AP4B1: variants seen among roughly 807,000 people sequenced by gnomAD.
The protein encoded by AP4B1 is adaptor related protein complex 4 subunit beta 1, also known as AP-4 complex subunit beta-1.
In AP4B1, 49 loss-of-function variants were observed where a neutral mutation model predicts 76.5. The ratio of observed to expected loss-of-function variants is 0.64; its 90% CI spans 0.51 to 0.81. AP4B1 has a LOEUF of 0.81. AP4B1 is among the 40% of genes least tolerant of loss of function. The probability of loss-of-function intolerance (pLI) is 0.00; values close to 1 mark genes in which losing one functional copy is unlikely to be tolerated. For missense variants in AP4B1, 911 were observed against 904.9 expected, an observed-to-expected ratio of 1.01 and a Z score of -0.09; for synonymous variants, 330 against 333.3, an observed-to-expected ratio of 0.99 and a Z score of 0.11.
chr1:113,898,575 G>A, intron 6 of AP4B1, 143 bp downstream of exon 6: 1 of 757,630 alleles, frequency 1.3e-6, no homozygotes, highest in Non-Finnish European at 2.4e-6. Flanking sequence ...TAGACTTTAT[G>A]CTTCTCTAAC....
rs1271931653 is a variant in AP4B1 at position 113,898,698 on chromosome 1, C to A, written c.1198+20G>T. On this transcript the variant is annotated intron_variant, in intron 6 of 9. Coordinates refer to ENST00000369569, the MANE Select transcript of AP4B1 (RefSeq NM_001253852.3). ...GGCACCTGACAAAAAAAACAAAAAT[C>A]CTAAAAAGGCAGGCATTACCTGTGG... 1 of 1,601,638 alleles carries A rather than the reference C, an allele frequency of 6.2e-7. No individual in the cohort carries two copies. The highest frequency in any genetic ancestry group is 8.5e-7 in the Non-Finnish European group (1 of 1,176,200).
chr1:113,896,235 C>G, intron 8 of AP4B1, 23 bp downstream of exon 8: 1 of 1,613,454 alleles, frequency 6.2e-7, no homozygotes, highest in Non-Finnish European at 8.5e-7. Flanking sequence ...ATGGCAAATA[C>G]TATTTCCTTC....
intron 2 of AP4B1, among the ~76,000 whole-genome samples, chr1:113,902,434 G>C (rs549267856): frequency 1.3e-5 from 2 of 152,322 alleles, no homozygotes; most frequent in African/African-American, 4.8e-5. Context: ...ATTTTACTTA[G>C]AGTGAGAATC....
At chr1:113,904,874 C>G (rs575828809), upstream of AP4B1, 98 of 693,544 alleles carry the variant, frequency 1.4e-4, 1 homozygote, top group African/African-American at 1.5e-3. Context: ...GGCCGGCACG[C>G]TGGCCCTGAC....
intron 5 of AP4B1, 157 bp downstream of exon 5, chr1:113,899,747 C>T: frequency 8.3e-7 from 1 of 1,204,626 alleles, no homozygotes; most frequent in Non-Finnish European, 1.2e-6. Context: ...AAAAAACTCT[C>T]TTCCCCCGTG....
chr1:113,896,384 C>T lies in AP4B1; in HGVS notation c.1384G>A (p.Glu462Lys). 1.9e-6 allele frequency: 3 copies of T among 1,614,218 alleles called. No homozygotes were observed. The highest frequency in any genetic ancestry group is 2.5e-6 in the Non-Finnish European group (3 of 1,180,030). ...GGAAATGTTTCCGACTTCACATTCTCAACAAAGTCCTCTAACACATAAGGA... is the reference window on the plus strand; with the variant it reads ...GGAAATGTTTCCGACTTCACATTCTTAACAAAGTCCTCTAACACATAAGGA... ...NAPYVLEDFVENVKSETFPAV... is the reference protein window; with the variant it reads ...NAPYVLEDFVKNVKSETFPAV... Residue 462 changes from glutamate (E) to lysine (K), a missense_variant, in exon 8 of 10, where the codon GAG becomes AAG. Transcript: ENST00000369569.
chr1:113,895,329 G>A lies in AP4B1; in HGVS notation c.1956C>T (p.Phe652=). Reference sequence around the variant, plus strand: ...GAGCCATCTGGAGGGTGTCAGGATGGAATTCTCCCCGCCAAGGCAACACTT... The same window carrying A: ...GAGCCATCTGGAGGGTGTCAGGATGAAATTCTCCCCGCCAAGGCAACACTT... ...HQQVLPWRGE[F]HPDTLQMALQ... The change falls in exon 10 of 10, where the codon TTC becomes TTT. Residue 652 remains phenylalanine, a synonymous_variant. Transcript: ENST00000369569. 6.2e-7 allele frequency: 1 copy of A among 1,614,198 alleles called. No homozygotes were observed.
intron 5 of AP4B1, 150 bp downstream of exon 5, chr1:113,899,754 C>A: frequency 1.6e-6 from 2 of 1,270,034 alleles, no homozygotes; most frequent in Non-Finnish European, 2.2e-6. Flanking sequence ...TCTCTTCCCC[C>A]GTGTTTGTAG....
intron 3 of AP4B1, 59 bp from the exon 4 acceptor site, chr1:113,901,442 T>G: frequency 6.4e-7 from 1 of 1,565,666 alleles, no homozygotes; most frequent in East Asian, 2.2e-5. Context: ...AACAAGGATG[T>G]AGCCAGAGTA....
At position 113,902,787 on chromosome 1, in the gene AP4B1, G is replaced by A. The variant is rs1668448874; in HGVS notation, c.189C>T (p.Val63=). 3.1e-6 allele frequency: 5 copies of A among 1,614,048 alleles called. No individual in the cohort carries two copies. The highest frequency in any genetic ancestry group is 4.2e-6 in the Non-Finnish European group (5 of 1,180,054). The part of the protein sequence containing the change: ...MVKASATVDI[V]QKKLVYLYMC... ...TGTACAGATAAACCAACTTCTTCTG[G>A]ACAATATCTACAGTGGCACTGGCCT... Residue 63 remains valine (V), a synonymous_variant, in exon 2 of 10, where the codon GTC becomes GTT. Coordinates refer to ENST00000369569, the MANE Select transcript of AP4B1 (RefSeq NM_001253852.3).
In AP4B1 at chr1:113,896,050, C is replaced by T. The variant is rs1272382510; in HGVS notation, c.1511-12G>A. On this transcript the variant is annotated splice_polypyrimidine_tract_variant and intron_variant, in intron 8 of 9. Coordinates refer to ENST00000369569, the MANE Select transcript of AP4B1 (RefSeq NM_001253852.3). ...ATCTTTTTCTTCCTCTGAGGTAAGA[C>T]AACAGATTGACTTCATTAAAAACAA... 6.2e-7 allele frequency: 1 copy of T among 1,614,096 alleles called. No individual in the cohort carries two copies. Among genetic ancestry groups the T allele is most frequent in the African/African-American group, 1.3e-5 (1 of 74,936 alleles).
At chr1:113,896,753 T>C (rs906074597) in intron 7 of AP4B1, 7 of 478,336 alleles carry the variant, frequency 1.5e-5, no homozygotes, top group Non-Finnish European at 2.2e-5. Flanking sequence ...GGTTTTAGTG[T>C]TTCAGTGGAA....
intron 3 of AP4B1, 54 bp from the exon 4 acceptor site, chr1:113,901,437 G>C: frequency 6.3e-7 from 1 of 1,580,112 alleles, no homozygotes; most frequent in Non-Finnish European, 8.7e-7. Context: ...AGAGTAACAA[G>C]GATGTAGCCA....
chr1:113,898,668 G>A (rs755991957), intron 6 of AP4B1, 50 bp downstream of exon 6: 13 of 1,390,196 alleles, frequency 9.4e-6, no homozygotes, highest in African/African-American at 1.4e-5. Flanking sequence ...AACTACTATA[G>A]GCCAGGCACC....
chr1:113,899,297 T>G, intron 5 of AP4B1: 1 of 1,017,396 alleles, frequency 9.8e-7, no homozygotes, highest in Non-Finnish European at 1.2e-6. Flanking sequence ...ACAGCTGTTT[T>G]CAGTTTTTGA....
At chr1:113,897,069 G>A (rs1667569658) in intron 7 of AP4B1, 1 of 148,648 alleles carries the variant, frequency 6.7e-6, no homozygotes, top group Non-Finnish European at 1.4e-5. Context: ...CTTGAAACCA[G>A]GAGGCGGAAG....
chr1:113,903,923 C>G (rs965092369), intron 1 of AP4B1, among the ~76,000 whole-genome samples: 1 of 152,142 alleles, frequency 6.6e-6, no homozygotes, highest in Non-Finnish European at 1.5e-5. Context: ...AAAAGCACCC[C>G]AAGGGATTTT....
chr1:113,899,334 CAG>C (rs1259757699), intron 5 of AP4B1: 1 of 1,013,350 alleles, frequency 9.9e-7, no homozygotes, highest in Non-Finnish European at 1.2e-6. Flanking sequence ...AAATTCCAGA[CAG>C]GGTACTATGA....
chr1:113,901,733 T>C (rs1399081187), intron 3 of AP4B1, 22 bp downstream of exon 3: 1 of 1,614,170 alleles, frequency 6.2e-7, no homozygotes, highest in East Asian at 2.2e-5. Flanking sequence ...ACATTGACCA[T>C]GATGGATTAC....
Sources: allele counts gnomAD v4.1 joint callset (sites outside exome capture counted in the v4.1 genomes callset), GRCh38; gene constraint gnomAD v4.1.1; transcripts MANE v1.5; gene names NCBI Gene and HGNC (gene_info 2026-07-23, HGNC 2026-07-21).